The following VPS13B variants were observed in gnomAD, a reference collection of about 807,000 sequenced individuals.
VPS13B encodes the protein vacuolar protein sorting 13 homolog B.
VPS13B carries 285 observed loss-of-function variants against 426.4 expected under a neutral mutation model. The ratio of observed to expected loss-of-function variants is 0.67; its 90% CI spans 0.61 to 0.74. VPS13B has a LOEUF of 0.74. Ranked by LOEUF, VPS13B falls within the 30% of genes least tolerant of loss-of-function variation. The pLI is 0.00. For missense variants in VPS13B, 4,537 were observed against 4,782.6 expected (o/e 0.95, Z 1.51); for synonymous variants, 1,676 against 1,676.4 (o/e 1.00, Z 0.01).
intron 39 of VPS13B, among the ~76,000 whole-genome samples, chr8:99,741,331 T>C (rs911795186): frequency 2.0e-5 from 3 of 152,174 alleles, no homozygotes; most frequent in African/African-American, 4.8e-5. Flanking sequence ...AAGCAAGTCC[T>C]TAGAGACCTA....
chr8:99,671,251 T>C (rs1418150614), intron 35 of VPS13B, among the ~76,000 whole-genome samples: 2 of 152,218 alleles, frequency 1.3e-5, no homozygotes, highest in Admixed American at 6.5e-5. Flanking sequence ...GAGCCCTTTT[T>C]CATATACCTG....
At position 99,871,490 on chromosome 8, in the gene VPS13B, C is replaced by T. The variant is rs778507213; in HGVS notation, c.11538C>T (p.Ala3846=). 3.7e-6 allele frequency: 6 copies of T among 1,614,154 alleles called. No individual in the cohort carries two copies. The East Asian group carries it at 8.9e-5, about 24-fold the overall frequency. The change falls in exon 61 of 62, where the codon GCC becomes GCT. Residue 3846 remains alanine, a synonymous_variant. Coordinates refer to ENST00000357162, the MANE Select transcript of VPS13B (RefSeq NM_152564.5). ...QSLGRPEVHM[A]LDVVLVRGSG... is the part of the protein sequence containing the mutation. ...TGGGCAGACCAGAAGTCCACATGGCCCTGGACGTGGTTCTGGTGAGGGGCT... is the reference window on the plus strand; with the variant it reads ...TGGGCAGACCAGAAGTCCACATGGCTCTGGACGTGGTTCTGGTGAGGGGCT...
chr8:99,162,891 T>C (rs921341031), intron 15 of VPS13B, among the ~76,000 whole-genome samples: 1 of 152,152 alleles, frequency 6.6e-6, no homozygotes, highest in African/African-American at 2.4e-5. Flanking sequence ...ATCTTGCTGA[T>C]TGGTAGAGCT....
intron 35 of VPS13B, among the ~76,000 whole-genome samples, chr8:99,683,588 C>A (rs1831246550): frequency 6.6e-6 from 1 of 151,964 alleles, no homozygotes; most frequent in Non-Finnish European, 1.5e-5. Context: ...AGATTTATAC[C>A]TGTGTTCCTT....
intron 19 of VPS13B, among the ~76,000 whole-genome samples, chr8:99,303,803 G>T (rs1172670583): frequency 6.6e-6 from 1 of 150,654 alleles, no homozygotes. Context: ...CAGTGATTGT[G>T]TATTGATTGT....
intron 7 of VPS13B, chr8:99,120,529 T>G (rs917860074): frequency 6.6e-6 from 1 of 152,216 alleles, no homozygotes; most frequent in African/African-American, 2.4e-5. Context: ...AAATAAAATT[T>G]CTTGGCTATA....
intron 39 of VPS13B, among the ~76,000 whole-genome samples, chr8:99,741,524 CT>C (rs1182542439): frequency 6.6e-6 from 1 of 151,684 alleles, no homozygotes; most frequent in Non-Finnish European, 1.5e-5. Context: ...AATATACATT[CT>C]TTTCAGCACC....
At chr8:99,013,460 G>A (rs2132124086) in intron 1 of VPS13B, 113 bp downstream of exon 1, 2 of 374,498 alleles carry the variant, frequency 5.3e-6, no homozygotes, top group South Asian at 2.3e-5. Context: ...CTCGCGGGGT[G>A]GCTGGGTTGG....
intron 15 of VPS13B, among the ~76,000 whole-genome samples, chr8:99,163,986 C>A (rs1348541728): frequency 6.6e-6 from 1 of 152,208 alleles, no homozygotes; most frequent in Non-Finnish European, 1.5e-5. Context: ...ACAGGACACC[C>A]CAATTGCTGT....
chr8:99,126,322 G>T (rs1848183378), intron 8 of VPS13B, among the ~76,000 whole-genome samples: 1 of 152,158 alleles, frequency 6.6e-6, no homozygotes, highest in Non-Finnish European at 1.5e-5. Context: ...TCTTGGGGAG[G>T]ATGAGGAGTA....
In VPS13B at chr8:99,156,850, A is replaced by C. The variant is rs1811389510; in HGVS notation, c.2208+107A>C. ...TAATTTCAGAGAAATAGTACTCTAA[A>C]AGGTAAGATTTAAATAAGAAATAAG... On this transcript the variant is annotated intron_variant, in intron 15 of 61. Coordinates refer to ENST00000357162, the MANE Select transcript of VPS13B (RefSeq NM_152564.5). 6 of 1,028,088 alleles carry C rather than the reference A, an allele frequency of 5.8e-6. No homozygotes were observed. The South Asian group carries it at 8.6e-5, about 15-fold the overall frequency. 63.7% of individuals were successfully genotyped at this position (1,028,088 alleles called of 1,614,324 possible).
At chr8:99,643,627 A>G (rs532561495) in intron 34 of VPS13B, among the ~76,000 whole-genome samples, 1 of 152,276 alleles carries the variant, frequency 6.6e-6, no homozygotes, top group Non-Finnish European at 1.5e-5. Flanking sequence ...GCAGCTCATA[A>G]TGGGTCAAAA....
chr8:99,357,818 G>A (rs1020364943), intron 19 of VPS13B, among the ~76,000 whole-genome samples: 2 of 152,084 alleles, frequency 1.3e-5, no homozygotes, highest in African/African-American at 4.8e-5. Context: ...TTAACACTTT[G>A]TTGTCAATTA....
chr8:99,239,937 A>C (rs1472279828), intron 17 of VPS13B, among the ~76,000 whole-genome samples: 1 of 152,160 alleles, frequency 6.6e-6, no homozygotes, highest in Non-Finnish European at 1.5e-5. Flanking sequence ...AATAATACTT[A>C]ATAAAGTTAG....
chr8:99,850,501 A>T (rs908332502), intron 55 of VPS13B, among the ~76,000 whole-genome samples: 3 of 152,196 alleles, frequency 2.0e-5, no homozygotes, highest in African/African-American at 7.2e-5. Flanking sequence ...GTTATTTAAT[A>T]TGTAATTATT....
chr8:99,720,131 A>G (rs531057733), intron 37 of VPS13B, among the ~76,000 whole-genome samples: 5 of 152,266 alleles, frequency 3.3e-5, no homozygotes, highest in African/African-American at 1.2e-4. Context: ...TTATTCACAC[A>G]ATATAAGATA....
chr8:99,438,762 G>A (rs952116960), intron 22 of VPS13B, among the ~76,000 whole-genome samples: 9 of 152,078 alleles, frequency 5.9e-5, no homozygotes, highest in African/African-American at 1.7e-4. Flanking sequence ...ACTGTGATTT[G>A]GGTGATAGTT....
At chr8:99,285,040 G>A (rs902232874) in intron 19 of VPS13B, among the ~76,000 whole-genome samples, 3 of 152,066 alleles carry the variant, frequency 2.0e-5, no homozygotes, top group African/African-American at 7.2e-5. Flanking sequence ...AAAATGTAAG[G>A]TTTTTCTGAG....
intron 33 of VPS13B, among the ~76,000 whole-genome samples, chr8:99,579,507 C>T (rs1825943455): frequency 6.6e-6 from 1 of 152,072 alleles, no homozygotes; most frequent in Non-Finnish European, 1.5e-5. Context: ...AAACAATTCT[C>T]CTGCCTCAGT....
Sources: gnomAD v4.1 joint callset for allele counts (sites outside exome capture counted in the v4.1 genomes callset) on GRCh38, gnomAD v4.1.1 for gene constraint, MANE v1.5 for transcripts, NCBI Gene and HGNC (gene_info 2026-07-23, HGNC 2026-07-21) for gene names.